Variants in EPAS1 observed in about 807,000 individuals in gnomAD.
The protein encoded by EPAS1 is endothelial PAS domain protein 1, also known as endothelial PAS domain-containing protein 1.
In EPAS1, 23 loss-of-function variants were observed where a neutral mutation model predicts 87.9. The observed-to-expected ratio is 0.26, with a 90% CI of 0.19 to 0.37. EPAS1 has a LOEUF of 0.37. Ranked by LOEUF, EPAS1 falls within the 10% of genes least tolerant of loss-of-function variation. The pLI is 1.00. For missense variants in EPAS1, 1,138 were observed against 1,120.7 expected, an observed-to-expected ratio of 1.02 and a Z score of -0.22; for synonymous variants, 508 against 444.3, an observed-to-expected ratio of 1.14 and a Z score of -1.80.
chr2:46,373,843 G>C (rs1684676847), intron 7 of EPAS1, among the ~76,000 whole-genome samples: 1 of 152,196 alleles, frequency 6.6e-6, no homozygotes, highest in Admixed American at 6.5e-5. Flanking sequence ...TCTTTAATTT[G>C]AACTATAATT....
At chr2:46,364,278 A>C (rs970508999) in intron 6 of EPAS1, among the ~76,000 whole-genome samples, 11 of 152,230 alleles carry the variant, frequency 7.2e-5, no homozygotes, top group African/African-American at 2.4e-4. Context: ...TCCTACAAGA[A>C]AAGTTAGAAT....
intron 2 of EPAS1, among the ~76,000 whole-genome samples, chr2:46,355,008 G>A (rs553859573): frequency 6.6e-6 from 1 of 152,272 alleles, no homozygotes; most frequent in African/African-American, 2.4e-5. Flanking sequence ...CTTTGCAACA[G>A]TTAGTTGTCT....
intron 2 of EPAS1, among the ~76,000 whole-genome samples, chr2:46,354,928 G>A (rs746996841): frequency 1.7e-4 from 26 of 152,260 alleles, no homozygotes; most frequent in Admixed American, 1.4e-3. Context: ...ACACAATCCC[G>A]TCTGGTTCAG....
intron 12 of EPAS1, chr2:46,381,242 C>T (rs1431600764): frequency 2.6e-6 from 1 of 384,250 alleles, no homozygotes. Context: ...CCTGCCACTC[C>T]CAGGGGCCGC....
At position 46,384,667 on chromosome 2, in the gene EPAS1, CCTT is replaced by C; in HGVS notation, c.*10_*12del. 6.2e-7 allele frequency: 1 copy of C among 1,613,220 alleles called. No individual in the cohort carries two copies. The highest frequency in any genetic ancestry group is 8.5e-7 in the Non-Finnish European group (1 of 1,179,912). ...CCTGGACCAGGCCACCTGAGCCAGG[CCTT>C]CTACCTGGGCAGCACCTCTGCCGAC... is the stretch of plus-strand genomic sequence containing the variant. On this transcript the variant is annotated 3_prime_UTR_variant, in exon 16 of 16. Coordinates refer to ENST00000263734, the MANE Select transcript of EPAS1 (RefSeq NM_001430.5).
At chr2:46,310,450 T>G (rs78951268) in intron 1 of EPAS1, among the ~76,000 whole-genome samples, 3,340 of 152,342 alleles carry the variant, frequency 0.022, 60 homozygotes, top group Non-Finnish European at 0.031. Context: ...AACTGTTCAT[T>G]GCACACCCTG....
intron 1 of EPAS1, among the ~76,000 whole-genome samples, chr2:46,305,262 A>C (rs1394845457): frequency 1.3e-5 from 2 of 152,222 alleles, no homozygotes; most frequent in Non-Finnish European, 2.9e-5. Context: ...CCTGGAGCTG[A>C]AGAGTCAGGT....
At chr2:46,350,510 A>G (rs1026744848) in intron 2 of EPAS1, among the ~76,000 whole-genome samples, 11 of 152,216 alleles carry the variant, frequency 7.2e-5, no homozygotes, top group Admixed American at 5.2e-4. Flanking sequence ...GATTCGTATC[A>G]CAGGAAGCAA....
Position 46,375,650 on chromosome 2 carries a change from C to A in EPAS1, c.887-40C>A. The A allele has an allele frequency of 6.2e-7, 1 of 1,606,290 alleles. No individual in the cohort carries two copies. On this transcript the variant is annotated intron_variant, in intron 7 of 15. Coordinates refer to ENST00000263734, the MANE Select transcript of EPAS1 (RefSeq NM_001430.5). This position sits in a 1 kb window ranked among gnomAD's most constrained non-coding sequence, Gnocchi z 4.1. ...GCTGAGCCTGTGGTGCACACCCCTG[C>A]CCCACCTCCCTAAGCTCAGCTCTGT...
chr2:46,301,353 T>C (rs1682992464), intron 1 of EPAS1, among the ~76,000 whole-genome samples: 1 of 152,088 alleles, frequency 6.6e-6, no homozygotes, highest in South Asian at 2.1e-4. Context: ...AGGCTGCGGA[T>C]CACCTGAGGT....
rs780348627 is a variant in EPAS1, at chr2:46,375,733, C to T, written c.930C>T (p.Leu310=). ...GQVVSGQYRM[L]AKHGGYVWLE... ...TAGTAAGTGGCCAGTACCGGATGCT[C>T]GCAAAGCATGGGGGCTACGTGTGGC... is the stretch of plus-strand genomic sequence containing the variant. Residue 310 remains leucine (L), a synonymous_variant, in exon 8 of 16, where the codon CTC becomes CTT. Transcript: ENST00000263734. The surrounding 1 kb of genome is among the most constrained non-coding windows in gnomAD (Gnocchi z 4.1). 3.1e-6 allele frequency: 5 copies of T among 1,614,050 alleles called. No individual in the cohort carries two copies. Among genetic ancestry groups the T allele is most frequent in the South Asian group, 2.2e-5 (2 of 91,082 alleles).
At chr2:46,335,075 A>G (rs1275752881) in intron 1 of EPAS1, among the ~76,000 whole-genome samples, 2 of 151,892 alleles carry the variant, frequency 1.3e-5, no homozygotes, top group Admixed American at 1.3e-4. Context: ...CCTTTTTTTA[A>G]TAGGGAGGGG....
chr2:46,369,952 C>G lies in EPAS1; in HGVS notation c.886+19C>G, dbSNP rs1374889345. On this transcript the variant is annotated intron_variant, in intron 7 of 15. Coordinates refer to ENST00000263734, the MANE Select transcript of EPAS1 (RefSeq NM_001430.5). Reference sequence around the variant, plus strand: ...CAGAACTGTGAGTTCCAGGAGTGCCCCTTGTGGCTTCCTTGTGTCTGTGGT... The same window carrying G: ...CAGAACTGTGAGTTCCAGGAGTGCCGCTTGTGGCTTCCTTGTGTCTGTGGT... 1 of 1,581,682 alleles carries G rather than the reference C, an allele frequency of 6.3e-7. No individual in the cohort carries two copies. Among genetic ancestry groups the G allele is most frequent in the Admixed American group, 1.7e-5 (1 of 58,764 alleles).
chr2:46,368,557 C>T (rs1293497506), intron 6 of EPAS1, among the ~76,000 whole-genome samples: 1 of 152,058 alleles, frequency 6.6e-6, no homozygotes, highest in African/African-American at 2.4e-5. Flanking sequence ...TATTTTAGGG[C>T]AATTTGGTCT....
intron 1 of EPAS1, among the ~76,000 whole-genome samples, chr2:46,323,706 T>G (rs753680673): frequency 6.6e-6 from 1 of 152,244 alleles, no homozygotes; most frequent in Non-Finnish European, 1.5e-5. Flanking sequence ...GGTAGAAAAC[T>G]GACCAAACTC....
chr2:46,359,525 A>G (rs1253270775), intron 4 of EPAS1, among the ~76,000 whole-genome samples: 2 of 152,174 alleles, frequency 1.3e-5, no homozygotes, highest in Non-Finnish European at 2.9e-5. Flanking sequence ...ATCGTGATGA[A>G]GGAATGTTCT....
intron 10 of EPAS1, 55 bp from the exon 11 acceptor site, chr2:46,378,602 C>T: frequency 3.4e-6 from 5 of 1,487,244 alleles, no homozygotes; most frequent in Admixed American, 3.3e-5. Flanking sequence ...TGCTGGACTT[C>T]TGGGGAGACC....
In EPAS1 at chr2:46,380,006, G is replaced by A; in HGVS notation, c.1555-221G>A. ...ATTTCTCAATGTGCAGGGTGAAGAG[G>A]GGATAAACATGGGGGAAGGCTGGTA... is the stretch of plus-strand genomic sequence containing the variant. On this transcript the variant is annotated intron_variant, in intron 11 of 15. Coordinates refer to ENST00000263734, the MANE Select transcript of EPAS1 (RefSeq NM_001430.5). This position sits in a 1 kb window ranked among gnomAD's most constrained non-coding sequence, Gnocchi z 4.4. The A allele has an allele frequency of 1.4e-6, 1 of 689,932 alleles. No individual in the cohort carries two copies. Among genetic ancestry groups the A allele is most frequent in the Non-Finnish European group, 2.6e-6 (1 of 389,602 alleles). 42.7% of individuals were successfully genotyped at this position (689,932 alleles called of 1,614,324 possible).
At chr2:46,377,801 C>G (rs1684789650) in intron 9 of EPAS1, 93 bp from the exon 10 acceptor site, 1 of 1,550,240 alleles carries the variant, frequency 6.5e-7, no homozygotes, top group East Asian at 2.4e-5. Flanking sequence ...TCCAGACCCT[C>G]TTAGGGCCTT....
Sources: allele counts gnomAD v4.1 joint callset (sites outside exome capture counted in the v4.1 genomes callset), GRCh38; gene constraint gnomAD v4.1.1; non-coding constraint Gnocchi (gnomAD v3.1); transcripts MANE v1.5; gene names NCBI Gene and HGNC (gene_info 2026-07-23, HGNC 2026-07-21).